The following DRG2 variants were observed in gnomAD, a reference collection of about 807,000 sequenced individuals.
DRG2 encodes the protein developmentally-regulated GTP-binding protein 2.
DRG2 carries 36 observed loss-of-function variants against 53.4 expected under a neutral mutation model. That is an observed-to-expected ratio of 0.67 (90% CI 0.52 to 0.89). The LOEUF is 0.89. Ranked by LOEUF, DRG2 falls within the 40% of genes least tolerant of loss-of-function variation. The probability of loss-of-function intolerance (pLI) is 0.00; values close to 1 mark genes in which losing one functional copy is unlikely to be tolerated. For synonymous variants in DRG2, 167 were observed against 192.1 expected, an observed-to-expected ratio of 0.87 and a Z score of 1.08; for missense variants, 342 against 481.2, an observed-to-expected ratio of 0.71 and a Z score of 2.71.
At chr17:18,094,995 A>AG (rs1409325267) in intron 2 of DRG2, among the ~76,000 whole-genome samples, 5 of 150,696 alleles carry the variant, frequency 3.3e-5, no homozygotes, top group Non-Finnish European at 3.0e-5. Context: ...AAAAAAAAAA[A>AG]AAAAAAAAGA....
chr17:18,103,689 C>A lies in DRG2; in HGVS notation c.807-112C>A. The A allele has an allele frequency of 4.2e-6, 4 of 951,794 alleles. No homozygotes were observed. In the South Asian group the frequency reaches 5.5e-5, roughly 13 times the overall value. 59.0% of individuals were successfully genotyped at this position (951,794 alleles called of 1,614,324 possible). On this transcript the variant is annotated intron_variant, in intron 9 of 12. Transcript: ENST00000225729. This position sits in a 1 kb window ranked among gnomAD's most constrained non-coding sequence, Gnocchi z 4.4. ...TAATGGGCTTGTTTCCCTGTGGGTA[C>A]CAGCGGGCCACCTGGCCAGTGGAGG...
chr17:18,093,613 C>A (rs1013600500), intron 1 of DRG2, among the ~76,000 whole-genome samples, 200 bp from the exon 2 acceptor site: 1 of 152,054 alleles, frequency 6.6e-6, no homozygotes, highest in Admixed American at 6.6e-5. Flanking sequence ...CCACTGCGCC[C>A]GGTCTAAGAG....
intron 2 of DRG2, chr17:18,095,607 C>CA (rs906188107): frequency 2.6e-5 from 4 of 151,740 alleles, no homozygotes; most frequent in African/African-American, 9.7e-5. Flanking sequence ...ACCATGTTGG[C>CA]AAGGCTGGTT....
Position 18,103,043 on chromosome 17 carries a change from G to A in DRG2, c.807-758G>A, listed in dbSNP as rs967640014. On this transcript the variant is annotated intron_variant, in intron 9 of 12. Coordinates refer to ENST00000225729, the MANE Select transcript of DRG2 (RefSeq NM_001388.5). This position sits in a 1 kb window ranked among gnomAD's most constrained non-coding sequence, Gnocchi z 4.4. Reference sequence around the variant, plus strand: ...GATGAGGGTCCCGGCCTGAGCACAAGGACCATTTTGTGGTGGTTGTAGCCA... The same window carrying A: ...GATGAGGGTCCCGGCCTGAGCACAAAGACCATTTTGTGGTGGTTGTAGCCA... Among the ~76,000 whole-genome samples the A allele has an allele frequency of 5.9e-5, 9 of 152,142 alleles. No individual in the cohort carries two copies. Among genetic ancestry groups the A allele is most frequent in the African/African-American group, 2.2e-4 (9 of 41,426 alleles).
Position 18,107,216 on chromosome 17 carries a change from C to CTGTGAAGAA in DRG2, c.1071_1072insTGTGAAGAA (p.Asp357_Val358insCysGluGlu). The CTGTGAAGAA allele has an allele frequency of 1.9e-6, 3 of 1,613,378 alleles. No individual in the cohort carries two copies. The highest frequency in any genetic ancestry group is 2.5e-6 in the Non-Finnish European group (3 of 1,180,034). ...TGACCCACACCATGGAGCATGAGGA[C>CTGTGAAGAA]GTCATCCAGATCGTGAAGAAGTAAC... On this transcript the variant is annotated inframe_insertion, in exon 13 of 13. Coordinates refer to ENST00000225729, the MANE Select transcript of DRG2 (RefSeq NM_001388.5).
In DRG2 at chr17:18,099,123, A is replaced by C. The variant is rs1378392885; in HGVS notation, c.376+46A>C. 6.2e-7 allele frequency: 1 copy of C among 1,612,488 alleles called. No homozygotes were observed. The highest frequency in any genetic ancestry group is 1.1e-5 in the South Asian group (1 of 91,040). ...GTGGGAAGCAGACTGGAGCTCTGTT[A>C]CTGATCGTTGAAATTGGGTGTGGCT... On this transcript the variant is annotated intron_variant, in intron 4 of 12. Transcript: ENST00000225729. The surrounding 1 kb of genome is among the most constrained non-coding windows in gnomAD (Gnocchi z 4.4).
Position 18,103,219 on chromosome 17 carries a change from A to G in DRG2, c.807-582A>G, listed in dbSNP as rs1322339045. Among the ~76,000 whole-genome samples the G allele has an allele frequency of 6.6e-6, 1 of 152,090 alleles. No homozygotes were observed. Among genetic ancestry groups the G allele is most frequent in the Non-Finnish European group, 1.5e-5 (1 of 68,012 alleles). ...AGAATAGCTCTACAGAGGTCAGGAC[A>G]CAGCTCGGGGTCACGGCGCAAACCT... is the stretch of plus-strand genomic sequence containing the variant. On this transcript the variant is annotated intron_variant, in intron 9 of 12. Coordinates refer to ENST00000225729, the MANE Select transcript of DRG2 (RefSeq NM_001388.5). This position sits in a 1 kb window ranked among gnomAD's most constrained non-coding sequence, Gnocchi z 4.4.
Position 18,101,530 on chromosome 17 carries a change from C to T in DRG2, c.669C>T (p.Cys223=). ...CAGAAGTGCTTTTCCGAGAAGACTG[C>T]TCCCCGGACGAGTTCATCGATGTGA... ...FNAEVLFRED[C]SPDEFIDVIV... The change falls in exon 8 of 13, where the codon TGC becomes TGT. Residue 223 remains cysteine, a synonymous_variant. Coordinates refer to ENST00000225729, the MANE Select transcript of DRG2 (RefSeq NM_001388.5). The T allele has an allele frequency of 1.2e-6, 2 of 1,614,200 alleles. No individual in the cohort carries two copies. Among genetic ancestry groups the T allele is most frequent in the Non-Finnish European group, 1.7e-6 (2 of 1,180,040 alleles).
At chr17:18,101,863 C>T in intron 8 of DRG2, 58 bp from the exon 9 acceptor site, 2 of 1,548,472 alleles carry the variant, frequency 1.3e-6, no homozygotes, top group East Asian at 2.4e-5. Flanking sequence ...GATGGAGGGC[C>T]CTTTCCTGGA....
rs1223291314 is a variant in DRG2 at position 18,098,196 on chromosome 17, C to A, written c.226-74C>A. 1 of 1,294,640 alleles carries A rather than the reference C, an allele frequency of 7.7e-7. No individual in the cohort carries two copies. Among genetic ancestry groups the A allele is most frequent in the Non-Finnish European group, 1.1e-6 (1 of 897,732 alleles). 80.2% of individuals were successfully genotyped at this position (1,294,640 alleles called of 1,614,324 possible). A position where few individuals can be genotyped will look rare whatever the true frequency, so the allele number is the denominator to read the frequency against. On this transcript the variant is annotated intron_variant, in intron 2 of 12. Coordinates refer to ENST00000225729, the MANE Select transcript of DRG2 (RefSeq NM_001388.5). This position sits in a 1 kb window ranked among gnomAD's most constrained non-coding sequence, Gnocchi z 4.1. ...TCCTCCTGCTGCCTGCACCTGCAGG[C>A]CCCCAGCCCCTGGGGCCTCTCCCAG...
At position 18,103,898 on chromosome 17, in the gene DRG2, C is replaced by G; in HGVS notation, c.895+9C>G. 6.2e-7 allele frequency: 1 copy of G among 1,613,532 alleles called. No homozygotes were observed. The highest frequency in any genetic ancestry group is 1.1e-5 in the South Asian group (1 of 91,068). Reference sequence around the variant, plus strand: ...CACCAAGAAGAGAGGACGTGAGTTGCACTGCGCGTAGCTGAAAAACAGGCT... The same window carrying G: ...CACCAAGAAGAGAGGACGTGAGTTGGACTGCGCGTAGCTGAAAAACAGGCT... On this transcript the variant is annotated intron_variant, in intron 10 of 12. Coordinates refer to ENST00000225729, the MANE Select transcript of DRG2 (RefSeq NM_001388.5). The surrounding 1 kb of genome is among the most constrained non-coding windows in gnomAD (Gnocchi z 4.4).
rs948772118 is a variant in DRG2, at chr17:18,093,969, G to A, written c.221G>A (p.Gly74Asp). 2 of 1,613,906 alleles carry A rather than the reference G, an allele frequency of 1.2e-6. No homozygotes were observed. The highest frequency in any genetic ancestry group is 2.2e-5 in the East Asian group (1 of 44,886). ...GCGCTGATTGGATTTCCCTCTGTGG[G>A]TAAGGTCAGTGATGGTCAGTGTGGG... ...RVALIGFPSV[G>D]KSTFLSLMTS... Residue 74 changes from glycine (G) to aspartate (D), a missense_variant, in exon 2 of 13, where the codon GGT becomes GAT. Physicochemically the swap from Gly to Asp is moderately conservative, Grantham distance 94. Transcript: ENST00000225729.
In DRG2 at chr17:18,103,946, C is replaced by G; in HGVS notation, c.895+57C>G. On this transcript the variant is annotated intron_variant, in intron 10 of 12. Coordinates refer to ENST00000225729, the MANE Select transcript of DRG2 (RefSeq NM_001388.5). This position sits in a 1 kb window ranked among gnomAD's most constrained non-coding sequence, Gnocchi z 4.4. The stretch of plus-strand genomic sequence containing the variant: ...GCTGAGCTTCATCCCTAGAAGGCTG[C>G]CAGGCCGGTGTGTGGTGCCCAGAGA... 1 of 1,559,372 alleles carries G rather than the reference C, an allele frequency of 6.4e-7. No homozygotes were observed. The highest frequency in any genetic ancestry group is 8.8e-7 in the Non-Finnish European group (1 of 1,131,656).
At chr17:18,101,869 C>G (rs559348146) in intron 8 of DRG2, 52 bp from the exon 9 acceptor site, 2 of 1,568,764 alleles carry the variant, frequency 1.3e-6, no homozygotes, top group Non-Finnish European at 1.7e-6. Context: ...GGGCCCTTTC[C>G]TGGATGCCTT....
intron 8 of DRG2, 23 bp downstream of exon 8, chr17:18,101,613 G>A: frequency 1.9e-6 from 3 of 1,609,998 alleles, no homozygotes; most frequent in African/African-American, 1.3e-5. Flanking sequence ...GGGGAGCCCT[G>A]GCCTGGCCAC....
At position 18,093,978 on chromosome 17, in the gene DRG2, G is replaced by T; in HGVS notation, c.225+5G>T. The stretch of plus-strand genomic sequence containing the variant: ...GGATTTCCCTCTGTGGGTAAGGTCA[G>T]TGATGGTCAGTGTGGGCCTCGGGGA... On this transcript the variant is annotated splice_donor_5th_base_variant and intron_variant, in intron 2 of 12. Coordinates refer to ENST00000225729, the MANE Select transcript of DRG2 (RefSeq NM_001388.5). The T allele has an allele frequency of 6.2e-7, 1 of 1,612,860 alleles. No homozygotes were observed. The highest frequency in any genetic ancestry group is 8.5e-7 in the Non-Finnish European group (1 of 1,179,034).
chr17:18,101,999 T>G lies in DRG2; in HGVS notation c.806+2T>G. The G allele has an allele frequency of 1.9e-6, 3 of 1,604,638 alleles. No homozygotes were observed. Among genetic ancestry groups the G allele is most frequent in the Non-Finnish European group, 2.6e-6 (3 of 1,175,382 alleles). ...AAAACCCAACAGTGTGGTCATCAGG[T>G]GAGGCCACTGGCATCCTGCCACTCT... is the stretch of plus-strand genomic sequence containing the variant. On this transcript the variant is annotated splice_donor_variant, in intron 9 of 12. Coordinates refer to ENST00000225729, the MANE Select transcript of DRG2 (RefSeq NM_001388.5). LOFTEE classifies it high-confidence loss of function.
At chr17:18,094,206 T>C in intron 2 of DRG2, 3 of 511,402 alleles carry the variant, frequency 5.9e-6, no homozygotes, top group Non-Finnish European at 1.0e-5. Flanking sequence ...CACACACAAA[T>C]ACTTCTCGAG....
At chr17:18,104,810 T>C in intron 11 of DRG2, 129 bp downstream of exon 11, 1 of 1,489,176 alleles carries the variant, frequency 6.7e-7, no homozygotes, top group Non-Finnish European at 9.1e-7. Flanking sequence ...CAACGCAGGC[T>C]CTGGAGTTGG....
Sources: allele counts gnomAD v4.1 joint callset (sites outside exome capture counted in the v4.1 genomes callset), GRCh38; gene constraint gnomAD v4.1.1; non-coding constraint Gnocchi (gnomAD v3.1); transcripts MANE v1.5; gene names NCBI Gene and HGNC (gene_info 2026-07-23, HGNC 2026-07-21).